MYT1L: variants seen among roughly 807,000 people sequenced by gnomAD.
MYT1L encodes the protein myelin transcription factor 1 like, also known as myelin transcription factor 1-like protein.
A neutral mutation model predicts 126.7 loss-of-function variants in MYT1L; 12 were observed. That is an observed-to-expected ratio of 0.09 (90% CI 0.06 to 0.15). The LOEUF (loss-of-function observed/expected upper bound fraction) is 0.15, where lower values mean the gene tolerates loss of function less well. Among genes scored for constraint, MYT1L ranks in the 10% least tolerant of loss-of-function variants. The pLI is 1.00. For synonymous variants in MYT1L, 541 were observed against 604.2 expected (o/e 0.90, Z 1.53); for missense variants, 979 against 1,585.2 (o/e 0.62, Z 6.49).
intron 4 of MYT1L, among the ~76,000 whole-genome samples, chr2:2,029,834 A>G (rs1228020184): frequency 6.6e-6 from 1 of 152,252 alleles, no homozygotes; most frequent in Non-Finnish European, 1.5e-5. Context: ...TTCTATATGG[A>G]CCAAAACCAT....
At chr2:1,895,809 C>T (rs1048736034) in intron 14 of MYT1L, among the ~76,000 whole-genome samples, 1 of 152,080 alleles carries the variant, frequency 6.6e-6, no homozygotes, top group Non-Finnish European at 1.5e-5. Context: ...TCTCCAAAAG[C>T]AATTGCAACA....
At chr2:1,900,252 C>T (rs2050152407) in intron 14 of MYT1L, among the ~76,000 whole-genome samples, 1 of 152,056 alleles carries the variant, frequency 6.6e-6, no homozygotes, top group South Asian at 2.1e-4. Flanking sequence ...GATTACACCC[C>T]ATCAACAACC....
intron 1 of MYT1L, among the ~76,000 whole-genome samples, chr2:2,292,446 C>T (rs2095613316): frequency 6.6e-6 from 1 of 152,194 alleles, no homozygotes; most frequent in South Asian, 2.1e-4. Context: ...CTTCGATTTC[C>T]TTTGCTATTT....
At chr2:1,952,806 T>TCCCTCCCTTCCC (rs1558517344) in intron 8 of MYT1L, among the ~76,000 whole-genome samples, 1 of 53,606 alleles carries the variant, frequency 1.9e-5, no homozygotes, top group Non-Finnish European at 3.4e-5. Context: ...CTTCTCTCCC[T>TCCCTCCCTTCCC]CCCTCCCTTC....
chr2:2,131,412 C>A (rs565590778), intron 3 of MYT1L, among the ~76,000 whole-genome samples: 2 of 152,112 alleles, frequency 1.3e-5, no homozygotes, highest in Non-Finnish European at 2.9e-5. Flanking sequence ...CAGATGTCAC[C>A]TTCTCTTTTT....
chr2:2,158,618 A>AACACACACACACACAC (rs74164556), intron 3 of MYT1L, among the ~76,000 whole-genome samples: 21 of 144,382 alleles, frequency 1.5e-4, no homozygotes, highest in African/African-American at 5.1e-4. Flanking sequence ...CCATGGCATA[A>AACACACACACACACAC]ACACACACAC....
At chr2:2,061,636 G>A (rs1290425966) in intron 3 of MYT1L, among the ~76,000 whole-genome samples, 1 of 152,072 alleles carries the variant, frequency 6.6e-6, no homozygotes, top group Non-Finnish European at 1.5e-5. Context: ...GCGTAACTGC[G>A]CTCTCATTCA....
intron 2 of MYT1L, among the ~76,000 whole-genome samples, chr2:2,261,439 A>G (rs1014206319): frequency 6.6e-6 from 1 of 152,216 alleles, no homozygotes; most frequent in Non-Finnish European, 1.5e-5. Context: ...TCTGAATGGA[A>G]CTAAGAAGAT....
At chr2:1,826,008 G>C (rs1461770626) in intron 21 of MYT1L, 1 of 152,284 alleles carries the variant, frequency 6.6e-6, no homozygotes, top group Non-Finnish European at 1.5e-5. Flanking sequence ...CTCATCCGCG[G>C]AGGACGACTC....
chr2:1,982,420 T>G (rs926448135), intron 5 of MYT1L, among the ~76,000 whole-genome samples: 1 of 152,212 alleles, frequency 6.6e-6, no homozygotes, highest in East Asian at 1.9e-4. Flanking sequence ...AGAAACATTC[T>G]CCGGGGGTGT....
intron 13 of MYT1L, among the ~76,000 whole-genome samples, chr2:1,906,467 T>C (rs1349393958): frequency 1.3e-5 from 2 of 152,196 alleles, no homozygotes; most frequent in Admixed American, 6.5e-5. Flanking sequence ...ATATTGGTTT[T>C]GGTGCAGTTA....
intron 8 of MYT1L, among the ~76,000 whole-genome samples, chr2:1,958,372 A>T (rs1234742177): frequency 6.6e-5 from 10 of 151,718 alleles, no homozygotes; most frequent in Admixed American, 2.6e-4. Flanking sequence ...AGGGAGTTGG[A>T]GGATGAGGAT....
intron 3 of MYT1L, among the ~76,000 whole-genome samples, chr2:2,151,987 C>A (rs1400337762): frequency 6.6e-6 from 1 of 152,148 alleles, no homozygotes; most frequent in Non-Finnish European, 1.5e-5. Flanking sequence ...ACCCGGGAGG[C>A]AGAGGTTGCA....
intron 18 of MYT1L, among the ~76,000 whole-genome samples, chr2:1,874,883 C>G (rs1330576007): frequency 1.3e-5 from 2 of 152,112 alleles, no homozygotes; most frequent in Non-Finnish European, 2.9e-5. Flanking sequence ...CTTGCCAGCC[C>G]CTCCCCTCAC....
At chr2:1,798,249 T>G (rs1210299913) in intron 23 of MYT1L, among the ~76,000 whole-genome samples, 2 of 140,770 alleles carry the variant, frequency 1.4e-5, no homozygotes, top group African/African-American at 5.3e-5. Context: ...CGCGGCGGTC[T>G]CCCTCCATCC....
intron 2 of MYT1L, among the ~76,000 whole-genome samples, chr2:2,274,811 G>A (rs1385769588): frequency 3.3e-5 from 5 of 152,206 alleles, no homozygotes; most frequent in Admixed American, 2.6e-4. Flanking sequence ...TGGAGGAGAA[G>A]TGGTGATGAA....
intron 3 of MYT1L, among the ~76,000 whole-genome samples, chr2:2,104,698 A>G (rs916217063): frequency 1.3e-5 from 2 of 152,234 alleles, no homozygotes; most frequent in Non-Finnish European, 2.9e-5. Context: ...GTAACAACAA[A>G]GCCTCTGAAT....
At chr2:2,112,371 CAAAGG>C (rs1334396748) in intron 3 of MYT1L, among the ~76,000 whole-genome samples, 1 of 152,184 alleles carries the variant, frequency 6.6e-6, no homozygotes, top group Non-Finnish European at 1.5e-5. Flanking sequence ...ATTTACTGGT[CAAAGG>C]AAAGTATTGT....
intron 3 of MYT1L, among the ~76,000 whole-genome samples, chr2:2,139,701 T>G (rs1351237639): frequency 6.6e-6 from 1 of 152,030 alleles, no homozygotes; most frequent in Non-Finnish European, 1.5e-5. Flanking sequence ...CCGGGAGACG[T>G]CCGCACTGCA....
Sources: allele counts gnomAD v4.1 joint callset (sites outside exome capture counted in the v4.1 genomes callset), GRCh38; gene constraint gnomAD v4.1.1; transcripts MANE v1.5; gene names NCBI Gene and HGNC (gene_info 2026-07-23, HGNC 2026-07-21).